CFAP95: variants seen among roughly 807,000 people sequenced by gnomAD.
CFAP95 encodes the protein cilia and flagella associated protein 95, also known as cilia- and flagella-associated protein 95.
chr9:69,867,259 T>A, the CFAP95 span, among the ~76,000 whole-genome samples: 4 of 152,216 alleles, frequency 2.6e-5, no homozygotes, highest in Admixed American at 2.6e-4. Flanking sequence ...AGAAAATATA[T>A]GTGAAAGCAC....
the CFAP95 span, among the ~76,000 whole-genome samples, chr9:69,874,904 T>C: frequency 6.6e-6 from 1 of 152,170 alleles, no homozygotes; most frequent in African/African-American, 2.4e-5. Flanking sequence ...GGTTGGTGGA[T>C]TGACATTGAT....
chr9:69,854,150 C>T, the CFAP95 span, among the ~76,000 whole-genome samples: 1 of 152,176 alleles, frequency 6.6e-6, no homozygotes, highest in East Asian at 1.9e-4. Context: ...TAAGAGTTGT[C>T]TTTGGAGTCA....
chr9:69,826,547 T>C, the CFAP95 span, among the ~76,000 whole-genome samples: 9 of 152,220 alleles, frequency 5.9e-5, no homozygotes, highest in Non-Finnish European at 1.3e-4. Flanking sequence ...CCTGTCTTTT[T>C]GCTGAAATCC....
chr9:69,864,746 C>A, the CFAP95 span, among the ~76,000 whole-genome samples: 1 of 152,072 alleles, frequency 6.6e-6, no homozygotes, highest in Non-Finnish European at 1.5e-5. Flanking sequence ...ACATTAGCAT[C>A]TATAAAACCT....
chr9:69,905,289 G>T, the CFAP95 span, among the ~76,000 whole-genome samples: 10 of 152,266 alleles, frequency 6.6e-5, no homozygotes, highest in South Asian at 2.1e-3. Context: ...CCAATTTAAA[G>T]CAGAAATTAG....
the CFAP95 span, among the ~76,000 whole-genome samples, chr9:69,843,641 T>G: frequency 7.5e-6 from 1 of 134,196 alleles, no homozygotes; most frequent in Non-Finnish European, 1.6e-5. Flanking sequence ...CTCCTCCTCC[T>G]CCTTCTTTCT....
At chr9:69,885,504 C>G in the CFAP95 span, among the ~76,000 whole-genome samples, 1 of 152,172 alleles carries the variant, frequency 6.6e-6, no homozygotes, top group African/African-American at 2.4e-5. Context: ...AAGGCCAAGT[C>G]TCTTACTCTA....
At chr9:69,828,128 C>G in the CFAP95 span, among the ~76,000 whole-genome samples, 1 of 152,178 alleles carries the variant, frequency 6.6e-6, no homozygotes, top group Non-Finnish European at 1.5e-5. Flanking sequence ...CAATGCCTGA[C>G]TTTCAAGAAA....
chr9:69,844,609 GA>G, the CFAP95 span: 13 of 1,611,610 alleles, frequency 8.1e-6, no homozygotes, highest in African/African-American at 1.6e-4. Flanking sequence ...CGGCGACTGG[GA>G]ACCGATGAAT....
At chr9:69,901,747 C>T in the CFAP95 span, among the ~76,000 whole-genome samples, 5 of 152,204 alleles carry the variant, frequency 3.3e-5, no homozygotes. Flanking sequence ...AGTTCTAGAT[C>T]CCTGAGGAAT....
chr9:69,826,704 GAGAGGGA>G, the CFAP95 span, among the ~76,000 whole-genome samples: 1 of 152,178 alleles, frequency 6.6e-6, no homozygotes, highest in African/African-American at 2.4e-5. Context: ...AATTTGACGG[GAGAGGGA>G]AGAGGCTTTA....
the CFAP95 span, among the ~76,000 whole-genome samples, chr9:69,826,337 T>C: frequency 6.6e-6 from 1 of 152,234 alleles, no homozygotes. Context: ...GTGTCATTCT[T>C]CCTGTATTTA....
chr9:69,906,142 A>G, the CFAP95 span: 2 of 1,590,978 alleles, frequency 1.3e-6, no homozygotes, highest in South Asian at 2.3e-5. Context: ...TTTAAAAATA[A>G]TGTATAGAAT....
the CFAP95 span, among the ~76,000 whole-genome samples, chr9:69,852,040 A>G: frequency 1.3e-5 from 2 of 152,184 alleles, no homozygotes; most frequent in Non-Finnish European, 2.9e-5. Context: ...ATCCTTTAGA[A>G]TCTTTACATG....
the CFAP95 span, among the ~76,000 whole-genome samples, chr9:69,849,482 A>G: frequency 1.3e-5 from 2 of 152,200 alleles, no homozygotes; most frequent in African/African-American, 4.8e-5. Flanking sequence ...GGTGAGAAAC[A>G]TAATTCAAAA....
chr9:69,858,109 C>G, the CFAP95 span: 1 of 706,336 alleles, frequency 1.4e-6, no homozygotes, highest in Non-Finnish European at 2.5e-6. Flanking sequence ...TTCGACTTGC[C>G]TTTAACCAAA....
chr9:69,837,536 G>A, the CFAP95 span, among the ~76,000 whole-genome samples: 2 of 152,180 alleles, frequency 1.3e-5, no homozygotes, highest in African/African-American at 4.8e-5. Flanking sequence ...CTTCTTTTGA[G>A]AAGTGTCTGT....
chr9:69,835,564 A>T, the CFAP95 span, among the ~76,000 whole-genome samples: 1 of 152,250 alleles, frequency 6.6e-6, no homozygotes, highest in African/African-American at 2.4e-5. Flanking sequence ...TTTTATGGAC[A>T]CGTTTGAAAG....
chr9:69,897,820 G>A, the CFAP95 span, among the ~76,000 whole-genome samples: 1 of 152,156 alleles, frequency 6.6e-6, no homozygotes, highest in Non-Finnish European at 1.5e-5. Flanking sequence ...GTAAAACCAT[G>A]AGGGAAGGTG....
Sources: allele counts gnomAD v4.1 joint callset (sites outside exome capture counted in the v4.1 genomes callset), GRCh38; gene constraint gnomAD v4.1.1; transcripts MANE v1.5; gene names NCBI Gene and HGNC (gene_info 2026-07-23, HGNC 2026-07-21).